The following COL23A1 variants were observed in gnomAD, a reference collection of about 807,000 sequenced individuals.
COL23A1 encodes collagen alpha-1(XXIII) chain.
A neutral mutation model predicts 99.3 loss-of-function variants in COL23A1; 97 were observed. The observed-to-expected ratio is 0.98, with a 90% CI of 0.83 to 1.16. COL23A1 has a LOEUF of 1.16. COL23A1 is among the 50% of genes most tolerant of loss of function. The probability of loss-of-function intolerance (pLI) is 0.00; values close to 1 mark genes in which losing one functional copy is unlikely to be tolerated. For missense variants in COL23A1, 762 were observed against 757.4 expected (o/e 1.01, Z -0.07); for synonymous variants, 320 against 308.2 (o/e 1.04, Z -0.40).
chr5:178,437,124 G>A (rs548121801), intron 2 of COL23A1, among the ~76,000 whole-genome samples: 25 of 152,228 alleles, frequency 1.6e-4, no homozygotes, highest in Non-Finnish European at 3.5e-4. Context: ...AATTCCTGGT[G>A]GGAGCAAGCC....
rs577946969 is a variant in COL23A1 at position 178,270,372 on chromosome 5, C to T, written c.442-9G>A. 40 of 1,613,460 alleles carry T rather than the reference C, an allele frequency of 2.5e-5. No individual in the cohort carries two copies. The highest frequency in any genetic ancestry group is 1.6e-4 in the African/African-American group (12 of 75,010). ...TCCAAACCCAGGGGTCCCTGGAAAA[C>T]GAGAGAGAGAGAACACAGGTTACAC... is the stretch of plus-strand genomic sequence containing the variant. On this transcript the variant is annotated splice_polypyrimidine_tract_variant and intron_variant, in intron 5 of 28. Transcript: ENST00000390654.
At position 178,365,170 on chromosome 5, in the gene COL23A1, T is replaced by TGTGTGTGA. The variant is rs1334135320; in HGVS notation, c.362-58252_362-58251insTCACACAC. 2.8e-5 allele frequency among the ~76,000 whole-genome samples: 4 copies of TGTGTGTGA among 141,768 alleles called. No individual in the cohort carries two copies. The highest frequency in any genetic ancestry group is 2.1e-4 in the Admixed American group (3 of 14,278). The allele number at this position is 141,768 out of a possible 152,430, so 93.0% of individuals were successfully genotyped here. A position where few individuals can be genotyped will look rare whatever the true frequency, so the allele number is the denominator to read the frequency against. ...GTGTGTGTGTGTGTGTGTGTGTGTG[T>TGTGTGTGA]GATAAATAAGCAAAATTGTTTTCCT... On this transcript the variant is annotated intron_variant, in intron 2 of 28. Transcript: ENST00000390654. The surrounding 1 kb of genome is among the most constrained non-coding windows in gnomAD (Gnocchi z 5.2).
chr5:178,298,858 C>T (rs1015621752), intron 3 of COL23A1, among the ~76,000 whole-genome samples: 5 of 152,154 alleles, frequency 3.3e-5, no homozygotes, highest in African/African-American at 9.7e-5. Flanking sequence ...CTGTGCCTAG[C>T]CTGAGTCAGT....
Position 178,498,238 on chromosome 5 carries a change from ATATATATATATATAT to A in COL23A1, c.361+62429_361+62443del, listed in dbSNP as rs1562025602. ...TATATATATATATATATATATATAT[ATATATATATATATAT>A]ATATAAAAGAACTTAAAAATAAAAA... On this transcript the variant is annotated intron_variant, in intron 2 of 28. Coordinates refer to ENST00000390654, the MANE Select transcript of COL23A1 (RefSeq NM_173465.4). Among the ~76,000 whole-genome samples, 9 of 62,422 alleles carry A rather than the reference ATATATATATATATAT, an allele frequency of 1.4e-4. No individual in the cohort carries two copies. The East Asian group carries it at 4.1e-3, about 29-fold the overall frequency. 41.0% of individuals were successfully genotyped at this position (62,422 alleles called of 152,430 possible). A position where few individuals can be genotyped will look rare whatever the true frequency, so the allele number is the denominator to read the frequency against.
At chr5:178,332,274 T>C (rs529656336) in intron 2 of COL23A1, among the ~76,000 whole-genome samples, 3 of 152,324 alleles carry the variant, frequency 2.0e-5, no homozygotes, top group African/African-American at 7.2e-5. Flanking sequence ...CACATTTCCC[T>C]GCTGCCTTGG....
intron 2 of COL23A1, among the ~76,000 whole-genome samples, chr5:178,524,466 G>A (rs1205733791): frequency 1.3e-5 from 2 of 152,212 alleles, no homozygotes; most frequent in Admixed American, 6.5e-5. Context: ...ATGGGGTAGG[G>A]GCTTTACCCA....
chr5:178,256,542 T>A, intron 14 of COL23A1, 145 bp from the exon 15 acceptor site: 1 of 707,906 alleles, frequency 1.4e-6, no homozygotes, highest in Non-Finnish European at 2.2e-6. Context: ...AGAACAGCAC[T>A]CCAGGAACGG....
chr5:178,272,186 C>T (rs1203148780), intron 5 of COL23A1, among the ~76,000 whole-genome samples: 6 of 152,244 alleles, frequency 3.9e-5, no homozygotes, highest in African/African-American at 1.4e-4. Context: ...GCTCGTCCCC[C>T]GGGACAGCCT....
At chr5:178,514,795 G>A (rs1198242566) in intron 2 of COL23A1, among the ~76,000 whole-genome samples, 1 of 152,196 alleles carries the variant, frequency 6.6e-6, no homozygotes, top group East Asian at 1.9e-4. Context: ...GTTTTCCCAG[G>A]CTCAGAATCC....
chr5:178,418,375 C>T (rs1765422605), intron 2 of COL23A1, among the ~76,000 whole-genome samples: 2 of 152,238 alleles, frequency 1.3e-5, no homozygotes, highest in African/African-American at 4.8e-5. Context: ...CTTGAAGTTC[C>T]TCCATGCAGT....
intron 8 of COL23A1, among the ~76,000 whole-genome samples, chr5:178,266,684 C>G (rs1040260844): frequency 6.6e-6 from 1 of 152,174 alleles, no homozygotes; most frequent in Non-Finnish European, 1.5e-5. Context: ...CAGCTGTGTT[C>G]GTGCTCACAG....
At position 178,538,726 on chromosome 5, in the gene COL23A1, A is replaced by G. The variant is rs1432650219; in HGVS notation, c.361+21956T>C. Among the ~76,000 whole-genome samples, 11 of 152,248 alleles carry G rather than the reference A, an allele frequency of 7.2e-5. No homozygotes were observed. In the East Asian group the frequency reaches 2.1e-3, roughly 29 times the overall value. ...TGAGTTAGCAATTCCAGTCCTAGCT[A>G]TCTACCCAAGAGAAATGAAAACATA... On this transcript the variant is annotated intron_variant, in intron 2 of 28. Coordinates refer to ENST00000390654, the MANE Select transcript of COL23A1 (RefSeq NM_173465.4).
At chr5:178,586,271 C>T (rs1764000711) in intron 1 of COL23A1, among the ~76,000 whole-genome samples, 1 of 152,220 alleles carries the variant, frequency 6.6e-6, no homozygotes, top group Non-Finnish European at 1.5e-5. Flanking sequence ...CTTTTCCTGT[C>T]TGTTATCATA....
In COL23A1 at chr5:178,307,284, G is replaced by A. The variant is rs1758410494; in HGVS notation, c.362-365C>T. Among the ~76,000 whole-genome samples the A allele has an allele frequency of 6.6e-6, 1 of 152,228 alleles. No individual in the cohort carries two copies. The highest frequency in any genetic ancestry group is 6.5e-5 in the Admixed American group (1 of 15,284). On this transcript the variant is annotated intron_variant, in intron 2 of 28. Transcript: ENST00000390654. This position sits in a 1 kb window ranked among gnomAD's most constrained non-coding sequence, Gnocchi z 4.2. ...AGCTGAGAAACTTCAGACTTAGGAG[G>A]AAAGTAAGGGTGGGTTATCTTAGGA... is the stretch of plus-strand genomic sequence containing the variant.
At chr5:178,262,882 C>T (rs1024081760) in intron 9 of COL23A1, among the ~76,000 whole-genome samples, 8 of 151,864 alleles carry the variant, frequency 5.3e-5, no homozygotes, top group East Asian at 1.9e-4. Flanking sequence ...GAATTGGGGG[C>T]GTAGACCAGG....
chr5:178,285,503 AATGATTTCTGAAACCC>A (rs1242245789), intron 5 of COL23A1, among the ~76,000 whole-genome samples: 1 of 152,246 alleles, frequency 6.6e-6, no homozygotes, highest in Non-Finnish European at 1.5e-5. Context: ...AGTAGGTTAG[AATGATTTCTGAAACCC>A]ATCTTTTCTT....
intron 2 of COL23A1, among the ~76,000 whole-genome samples, chr5:178,458,361 G>C (rs1175962975): frequency 6.6e-6 from 1 of 152,196 alleles, no homozygotes; most frequent in Non-Finnish European, 1.5e-5. Context: ...GAGTAACAGA[G>C]CCGGGCACGG....
chr5:178,577,658 G>A (rs938120100), intron 1 of COL23A1, among the ~76,000 whole-genome samples: 1 of 152,220 alleles, frequency 6.6e-6, no homozygotes. Flanking sequence ...AGACCAGAGC[G>A]AGTGTCAAGG....
At chr5:178,534,890 G>C (rs1317865673) in intron 2 of COL23A1, among the ~76,000 whole-genome samples, 1 of 151,938 alleles carries the variant, frequency 6.6e-6, no homozygotes, top group Non-Finnish European at 1.5e-5. Flanking sequence ...CTACCAGGTA[G>C]CTAGCACTTT....
Sources: gnomAD v4.1 joint callset for allele counts (sites outside exome capture counted in the v4.1 genomes callset) on GRCh38, gnomAD v4.1.1 for gene constraint, Gnocchi (gnomAD v3.1) non-coding constraint, MANE v1.5 for transcripts, NCBI Gene and HGNC (gene_info 2026-07-23, HGNC 2026-07-21) for gene names.